Variants in MACROD2 observed in about 807,000 individuals in gnomAD.
MACROD2 encodes ADP-ribose glycohydrolase MACROD2.
In MACROD2, 36 loss-of-function variants were observed where a neutral mutation model predicts 70.4. The ratio of observed to expected loss-of-function variants is 0.51; its 90% CI spans 0.39 to 0.68. MACROD2 has a LOEUF of 0.68. MACROD2 is among the 30% of genes least tolerant of loss of function. The pLI, the probability that MACROD2 is intolerant of heterozygous loss-of-function variation, is 0.00. For synonymous variants in MACROD2, 172 were observed against 178.8 expected (o/e 0.96, Z 0.30); for missense variants, 496 against 538.4 (o/e 0.92, Z 0.78).
chr20:15,469,188 C>T (rs2046933324), intron 7 of MACROD2, among the ~76,000 whole-genome samples: 1 of 152,070 alleles, frequency 6.6e-6, no homozygotes. Context: ...GAGATTACTG[C>T]TGGCTAGGAA....
At position 15,038,715 on chromosome 20, in the gene MACROD2, C is replaced by T. The variant is rs117408184; in HGVS notation, c.419-191225C>T. Reference sequence around the variant, plus strand: ...GAGGACGAGGTCAGGCCTGGCCCAACCTGGAGGCCAGGTGATGGTCCCTAG... The same window carrying T: ...GAGGACGAGGTCAGGCCTGGCCCAATCTGGAGGCCAGGTGATGGTCCCTAG... On this transcript the variant is annotated intron_variant, in intron 5 of 17. Transcript: ENST00000684519. Among the ~76,000 whole-genome samples, 404 of 152,250 alleles carry T rather than the reference C, an allele frequency of 2.7e-3. 2 individuals are homozygous for T. The highest frequency in any genetic ancestry group is 4.5e-3 in the Non-Finnish European group (303 of 68,034).
intron 7 of MACROD2, among the ~76,000 whole-genome samples, chr20:15,465,667 C>T (rs1244202596): frequency 6.6e-6 from 1 of 152,240 alleles, no homozygotes; most frequent in Non-Finnish European, 1.5e-5. Context: ...GAAAACGGGG[C>T]AACCCTGCAG....
At chr20:15,077,271 T>C (rs1163682666) in intron 5 of MACROD2, among the ~76,000 whole-genome samples, 1 of 152,178 alleles carries the variant, frequency 6.6e-6, no homozygotes, top group Non-Finnish European at 1.5e-5. Context: ...AGAAGAGTTA[T>C]GAATTTTCTT....
intron 7 of MACROD2, among the ~76,000 whole-genome samples, chr20:15,460,458 A>G (rs1451699991): frequency 1.3e-5 from 2 of 151,882 alleles, no homozygotes; most frequent in Admixed American, 1.3e-4. Context: ...CTCCTTGGGG[A>G]CCTCTTTCAA....
chr20:15,038,550 T>C lies in MACROD2; in HGVS notation c.419-191390T>C, dbSNP rs568309843. On this transcript the variant is annotated intron_variant, in intron 5 of 17. Transcript: ENST00000684519. ...TATAGGATGAATCTATCAGGAACTT[T>C]GTGAGTGTGAATGGCCAGAGGCCAC... Among the ~76,000 whole-genome samples the C allele has an allele frequency of 2.0e-5, 3 of 152,196 alleles. No homozygotes were observed. The South Asian group carries it at 6.2e-4, about 32-fold the overall frequency.
chr20:16,039,319 C>T (rs1371445316), intron 15 of MACROD2, among the ~76,000 whole-genome samples: 1 of 151,900 alleles, frequency 6.6e-6, no homozygotes, highest in Non-Finnish European at 1.5e-5. Context: ...AAGTAAATTA[C>T]CTTTTCATGT....
chr20:15,103,038 A>G (rs1158311153), intron 5 of MACROD2, among the ~76,000 whole-genome samples: 1 of 152,178 alleles, frequency 6.6e-6, no homozygotes, highest in Non-Finnish European at 1.5e-5. Context: ...TAAAATATGT[A>G]CTTATACATG....
chr20:15,887,827 TA>T (rs1192768072), intron 10 of MACROD2, among the ~76,000 whole-genome samples: 1 of 152,186 alleles, frequency 6.6e-6, no homozygotes, highest in Non-Finnish European at 1.5e-5. Flanking sequence ...ATAATCAATA[TA>T]AAAATAGTCG....
At chr20:14,372,700 C>A (rs1998237) in intron 3 of MACROD2, among the ~76,000 whole-genome samples, 1 of 151,934 alleles carries the variant, frequency 6.6e-6, no homozygotes, top group East Asian at 1.9e-4. Flanking sequence ...TCCAGACTTC[C>A]GATAACACAT....
At chr20:15,207,243 T>A (rs1363957312) in intron 5 of MACROD2, among the ~76,000 whole-genome samples, 1 of 152,164 alleles carries the variant, frequency 6.6e-6, no homozygotes, top group African/African-American at 2.4e-5. Flanking sequence ...AGGGTAGGTC[T>A]GGTCTGCTCA....
chr20:15,185,934 C>A (rs947143308), intron 5 of MACROD2, among the ~76,000 whole-genome samples: 1 of 152,160 alleles, frequency 6.6e-6, no homozygotes, highest in Non-Finnish European at 1.5e-5. Flanking sequence ...ATATATCACT[C>A]ACTCATGAGA....
intron 5 of MACROD2, among the ~76,000 whole-genome samples, chr20:15,136,541 C>T (rs978269646): frequency 2.6e-4 from 39 of 152,308 alleles, no homozygotes; most frequent in African/African-American, 8.7e-4. Context: ...CCCTTCTTTA[C>T]ACCTTTTACA....
intron 3 of MACROD2, among the ~76,000 whole-genome samples, chr20:14,232,315 C>T (rs1114953): frequency 0.97 from 147,535 of 152,228 alleles, 71,509 homozygotes; most frequent in Admixed American, 0.99. Flanking sequence ...AGAGAGTTAG[C>T]CTGTCTTTTG....
chr20:14,407,185 A>G (rs549842906), intron 3 of MACROD2, among the ~76,000 whole-genome samples: 1 of 149,330 alleles, frequency 6.7e-6, no homozygotes, highest in East Asian at 1.9e-4. Flanking sequence ...ATTTTCATTT[A>G]AAGTCTTTCT....
intron 5 of MACROD2, among the ~76,000 whole-genome samples, chr20:14,760,335 G>A (rs1440978638): frequency 1.3e-5 from 2 of 151,954 alleles, no homozygotes; most frequent in Non-Finnish European, 2.9e-5. Context: ...CACTTACTCT[G>A]GGGGTATCTG....
At chr20:15,819,187 A>C (rs1188975551) in intron 8 of MACROD2, among the ~76,000 whole-genome samples, 1 of 147,920 alleles carries the variant, frequency 6.8e-6, no homozygotes, top group Non-Finnish European at 1.5e-5. Context: ...AATGTGGTGT[A>C]AATCTGTATC....
chr20:14,997,875 C>G (rs1358665368), intron 5 of MACROD2, among the ~76,000 whole-genome samples: 1 of 152,160 alleles, frequency 6.6e-6, no homozygotes, highest in Non-Finnish European at 1.5e-5. Context: ...ATCCTCCATC[C>G]CAATTCCAGG....
chr20:14,801,451 G>A (rs1205772267), intron 5 of MACROD2, among the ~76,000 whole-genome samples: 1 of 152,044 alleles, frequency 6.6e-6, no homozygotes, highest in African/African-American at 2.4e-5. Context: ...AGATTTCAGC[G>A]TTAATGTTTT....
At chr20:15,621,088 T>G (rs767684338) in intron 8 of MACROD2, among the ~76,000 whole-genome samples, 5 of 152,146 alleles carry the variant, frequency 3.3e-5, no homozygotes, top group Non-Finnish European at 5.9e-5. Context: ...CTGAGGATAC[T>G]TGGGGATGTC....
Sources: allele counts gnomAD v4.1 joint callset (sites outside exome capture counted in the v4.1 genomes callset), GRCh38; gene constraint gnomAD v4.1.1; transcripts MANE v1.5; gene names NCBI Gene and HGNC (gene_info 2026-07-23, HGNC 2026-07-21).